Variants in SAMD13 observed in about 807,000 individuals in gnomAD.
SAMD13 encodes the protein sterile alpha motif domain containing 13, also known as sterile alpha motif domain-containing protein 13.
In SAMD13, 9 loss-of-function variants were observed where a neutral mutation model predicts 12.4. The observed-to-expected ratio is 0.72, with a 90% confidence interval of 0.44 to 1.26. SAMD13 has a LOEUF of 1.26. Ranked by LOEUF, SAMD13 falls within the 50% of genes most tolerant of loss-of-function variation. SAMD13 has a pLI of 0.00. For missense variants in SAMD13, 84 were observed against 119.6 expected (o/e 0.70, Z 1.39); for synonymous variants, 46 against 45.4 (o/e 1.01, Z -0.05).
At chr1:84,327,662 G>A (rs956918492) in intron 3 of SAMD13, among the ~76,000 whole-genome samples, 5 of 152,106 alleles carry the variant, frequency 3.3e-5, no homozygotes, top group Non-Finnish European at 7.4e-5. Context: ...AAACAGAAGT[G>A]TTTAGGGTAA....
chr1:84,304,666 T>G (rs552647511), intron 2 of SAMD13, among the ~76,000 whole-genome samples: 1 of 152,232 alleles, frequency 6.6e-6, no homozygotes, highest in Admixed American at 6.5e-5. Context: ...CCTCCTGTCC[T>G]TTTCTGCCCC....
chr1:84,347,747 C>T lies in SAMD13; in HGVS notation c.166-1884C>T, dbSNP rs118148465. Among the ~76,000 whole-genome samples the T allele has an allele frequency of 1.7e-3, 261 of 152,312 alleles. 7 individuals carry two copies. The East Asian group carries it at 0.048, about 28-fold the overall frequency. ...TTGGTCTCTGACCTCACAGTGTCTT[C>T]AGCACGGCTACTGTGGTTTCCAGGG... On this transcript the variant is annotated intron_variant, in intron 3 of 3. Transcript: ENST00000394834.
At position 84,328,274 on chromosome 1, in the gene SAMD13, C is replaced by G. The variant is rs147003592; in HGVS notation, c.165+2526C>G. Among the ~76,000 whole-genome samples the G allele has an allele frequency of 3.4e-3, 512 of 152,280 alleles. 1 individual carries two copies. The highest frequency in any genetic ancestry group is 6.8e-3 in the Middle Eastern group (2 of 294). On this transcript the variant is annotated intron_variant, in intron 3 of 3. Coordinates refer to ENST00000394834, the MANE Select transcript of SAMD13 (RefSeq NM_001134663.2). ...ATTCTGTCCCAATGGACACTGGGAA[C>G]CATAATGGGAATAAACTCTTCTAAA...
intron 2 of SAMD13, 64 bp downstream of exon 2, chr1:84,303,351 C>T (rs933905673): frequency 6.2e-5 from 85 of 1,372,370 alleles, no homozygotes; most frequent in East Asian, 2.4e-5. Flanking sequence ...TTTCTATTTT[C>T]GTACTTCTTG....
intron 1 of SAMD13, among the ~76,000 whole-genome samples, chr1:84,302,878 C>CTTA (rs1678482562): frequency 6.6e-6 from 1 of 152,050 alleles, no homozygotes. Flanking sequence ...TTATGAGTTG[C>CTTA]AGTGTCTTAA....
At chr1:84,298,564 G>A (rs1022740329), upstream of SAMD13, 6 of 1,280,028 alleles carry the variant, frequency 4.7e-6, no homozygotes, top group African/African-American at 1.5e-5. Flanking sequence ...GGCCATGCGG[G>A]GAGGTAAGTG....
At chr1:84,308,669 C>T (rs925914038) in intron 2 of SAMD13, among the ~76,000 whole-genome samples, 5 of 152,060 alleles carry the variant, frequency 3.3e-5, no homozygotes, top group African/African-American at 1.2e-4. Context: ...CTTTATATAT[C>T]ATAGAAGAGA....
At chr1:84,314,057 G>A (rs958535383) in intron 2 of SAMD13, among the ~76,000 whole-genome samples, 3 of 152,050 alleles carry the variant, frequency 2.0e-5, no homozygotes, top group African/African-American at 7.2e-5. Context: ...AAATATTAAG[G>A]TAGACTTAGA....
intron 2 of SAMD13, among the ~76,000 whole-genome samples, chr1:84,309,894 C>A (rs1279343048): frequency 1.3e-5 from 2 of 151,924 alleles, no homozygotes; most frequent in Non-Finnish European, 2.9e-5. Context: ...ATTTAAAATG[C>A]GGCAATTCTA....
chr1:84,335,611 A>G (rs924457860), intron 3 of SAMD13, among the ~76,000 whole-genome samples: 4 of 152,114 alleles, frequency 2.6e-5, no homozygotes, highest in African/African-American at 9.7e-5. Context: ...TATTAGGCAG[A>G]CTTGATTGTG....
chr1:84,298,556 C>T (rs776700100), upstream of SAMD13: 2 of 1,275,404 alleles, frequency 1.6e-6, no homozygotes, highest in Non-Finnish European at 2.0e-6. Flanking sequence ...CCCGGCGCGG[C>T]CATGCGGGGA....
chr1:84,317,400 A>AT (rs957737703), intron 2 of SAMD13, among the ~76,000 whole-genome samples: 232 of 149,364 alleles, frequency 1.6e-3, no homozygotes, highest in Middle Eastern at 6.8e-3. Context: ...CTTTGTTGAG[A>AT]TTTTTTTTTT....
At chr1:84,302,695 G>C (rs1678477553) in intron 1 of SAMD13, 2 of 985,994 alleles carry the variant, frequency 2.0e-6, no homozygotes, top group Admixed American at 1.2e-4. Flanking sequence ...TGTGAGGTAG[G>C]GGAATACTTG....
chr1:84,338,318 A>C (rs1036174389), intron 3 of SAMD13, among the ~76,000 whole-genome samples: 3 of 152,170 alleles, frequency 2.0e-5, no homozygotes, highest in Non-Finnish European at 4.4e-5. Context: ...TTACAGTTCC[A>C]CATGGCTGGG....
At chr1:84,305,049 T>C (rs938247546) in intron 2 of SAMD13, among the ~76,000 whole-genome samples, 1 of 152,170 alleles carries the variant, frequency 6.6e-6, no homozygotes, top group Non-Finnish European at 1.5e-5. Flanking sequence ...GGAATGGAAT[T>C]GGTTGGGCTC....
At chr1:84,313,232 A>G (rs1487329061) in intron 2 of SAMD13, among the ~76,000 whole-genome samples, 1 of 152,204 alleles carries the variant, frequency 6.6e-6, no homozygotes, top group African/African-American at 2.4e-5. Context: ...AAATGTATAC[A>G]TATATTCAAA....
intron 2 of SAMD13, among the ~76,000 whole-genome samples, chr1:84,325,321 A>G (rs945018640): frequency 1.3e-5 from 2 of 152,104 alleles, no homozygotes; most frequent in African/African-American, 4.8e-5. Flanking sequence ...GGAAGGTGTT[A>G]GGAAGACAGG....
At chr1:84,322,502 G>T (rs1014639006) in intron 2 of SAMD13, among the ~76,000 whole-genome samples, 1 of 152,160 alleles carries the variant, frequency 6.6e-6, no homozygotes. Flanking sequence ...GTGCTCTCTG[G>T]TTGTTAGTCC....
At chr1:84,326,725 G>A (rs1679069242) in intron 3 of SAMD13, among the ~76,000 whole-genome samples, 1 of 152,274 alleles carries the variant, frequency 6.6e-6, no homozygotes, top group South Asian at 2.1e-4. Context: ...TGAAAAATGT[G>A]TCTGGCTGCT....
Sources: gnomAD v4.1 joint callset for allele counts (sites outside exome capture counted in the v4.1 genomes callset) on GRCh38, gnomAD v4.1.1 for gene constraint, MANE v1.5 for transcripts, NCBI Gene and HGNC (gene_info 2026-07-23, HGNC 2026-07-21) for gene names.